The following TBL1X variants were observed in gnomAD, a reference collection of about 807,000 sequenced individuals.
TBL1X encodes the protein F-box-like/WD repeat-containing protein TBL1X.
In TBL1X, 10 loss-of-function variants were observed where a neutral mutation model predicts 50.7. That is an observed-to-expected ratio of 0.20 (90% CI 0.12 to 0.33). The LOEUF is 0.33. Ranked by LOEUF, TBL1X falls within the 10% of genes least tolerant of loss-of-function variation. The probability of loss-of-function intolerance (pLI) is 1.00; values close to 1 mark genes in which losing one functional copy is unlikely to be tolerated. For synonymous variants in TBL1X, 190 were observed against 214.7 expected (o/e 0.88, Z 1.01); for missense variants, 340 against 504.4 (o/e 0.67, Z 3.12).
intron 2 of TBL1X, among the ~76,000 whole-genome samples, chrX:9,575,415 C>G (rs1308607742): frequency 9.0e-6 from 1 of 111,619 alleles, no homozygotes; most frequent in Admixed American, 9.5e-5. Context: ...ACTTTCTGCC[C>G]CTATGCATTT....
chrX:9,467,091 CATACTT>C (rs1401868764), intron 1 of TBL1X, among the ~76,000 whole-genome samples: 1 of 112,627 alleles, frequency 8.9e-6, no homozygotes, highest in Non-Finnish European at 1.9e-5. Flanking sequence ...TTATTGTAGA[CATACTT>C]AGAAGTGAAT....
At chrX:9,608,409 A>G (rs1340957607) in intron 2 of TBL1X, among the ~76,000 whole-genome samples, 1 of 112,090 alleles carries the variant, frequency 8.9e-6, no homozygotes, top group African/African-American at 3.3e-5. Context: ...ATGTTAAAAT[A>G]TATCAGTGCA....
chrX:9,518,399 A>T (rs1265340764), intron 2 of TBL1X, among the ~76,000 whole-genome samples: 1 of 111,758 alleles, frequency 8.9e-6, no homozygotes, highest in Non-Finnish European at 1.9e-5. Context: ...TCCCTTCTTC[A>T]TTTCCACCCT....
At chrX:9,533,518 G>A in intron 2 of TBL1X, among the ~76,000 whole-genome samples, 1 of 111,783 alleles carries the variant, frequency 8.9e-6, no homozygotes, top group East Asian at 2.8e-4. Flanking sequence ...CCTTCTGAGT[G>A]AAAACCCTCC....
chrX:9,571,850 A>G (rs752386855), intron 2 of TBL1X, among the ~76,000 whole-genome samples: 3 of 112,299 alleles, frequency 2.7e-5, no homozygotes, highest in Non-Finnish European at 5.6e-5. Context: ...TCCCTTTTGT[A>G]ACTGGCTTAT....
chrX:9,564,997 G>A (rs1398766888), intron 2 of TBL1X, among the ~76,000 whole-genome samples: 2 of 110,714 alleles, frequency 1.8e-5, no homozygotes, highest in African/African-American at 6.6e-5. Flanking sequence ...TAGGCTGGGT[G>A]CGGTGGCTCA....
chrX:9,652,256 A>G (rs774508566), intron 3 of TBL1X, among the ~76,000 whole-genome samples: 3 of 111,747 alleles, frequency 2.7e-5, no homozygotes, highest in Non-Finnish European at 5.7e-5. Flanking sequence ...AACCTAACCT[A>G]GGGAGTGGTG....
intron 2 of TBL1X, among the ~76,000 whole-genome samples, chrX:9,596,542 C>T (rs934642250): frequency 9.0e-6 from 1 of 111,062 alleles, no homozygotes; most frequent in Admixed American, 9.6e-5. Context: ...TACAATGCAG[C>T]GGTCACCGAT....
At chrX:9,604,408 C>CCT (rs372886661) in intron 2 of TBL1X, among the ~76,000 whole-genome samples, 2 of 108,302 alleles carry the variant, frequency 1.8e-5, no homozygotes, top group Admixed American at 9.7e-5. Flanking sequence ...CTTTCCCCCC[C>CCT]TTTTTTTTTT....
chrX:9,594,126 T>C (rs753413977), intron 2 of TBL1X, among the ~76,000 whole-genome samples: 1 of 112,724 alleles, frequency 8.9e-6, no homozygotes, highest in African/African-American at 3.2e-5. Context: ...TCTTAGGATA[T>C]AGCTTTCAAG....
chrX:9,617,062 G>A (rs754740515), intron 2 of TBL1X, among the ~76,000 whole-genome samples: 8 of 111,835 alleles, frequency 7.2e-5, no homozygotes, highest in Non-Finnish European at 1.5e-4. Context: ...TTGGAGCCTT[G>A]GAAATCCAGT....
At chrX:9,613,329 G>C (rs927014451) in intron 2 of TBL1X, among the ~76,000 whole-genome samples, 1 of 111,047 alleles carries the variant, frequency 9.0e-6, no homozygotes, top group African/African-American at 3.3e-5. Flanking sequence ...GCACTCTCCC[G>C]TCCCACCAAT....
intron 5 of TBL1X, among the ~76,000 whole-genome samples, chrX:9,660,083 T>G (rs1417053093): frequency 8.9e-6 from 1 of 112,929 alleles, no homozygotes; most frequent in Non-Finnish European, 1.9e-5. Context: ...AGCCCAGGCA[T>G]CTGGGCAAGG....
chrX:9,651,061 C>A (rs2082832336), intron 3 of TBL1X, among the ~76,000 whole-genome samples: 1 of 81,719 alleles, frequency 1.2e-5, no homozygotes, highest in Admixed American at 1.7e-4. Context: ...AAGGGTCTCA[C>A]TTCCGTTGCC....
chrX:9,473,536 G>A (rs2081830597), intron 1 of TBL1X, among the ~76,000 whole-genome samples: 2 of 111,661 alleles, frequency 1.8e-5, no homozygotes, highest in Admixed American at 1.9e-4. Flanking sequence ...CATGATAGGC[G>A]GTGGGTTCAG....
At chrX:9,667,415 G>A (rs184191342) in intron 5 of TBL1X, among the ~76,000 whole-genome samples, 1 of 112,102 alleles carries the variant, frequency 8.9e-6, no homozygotes, top group African/African-American at 3.2e-5. Flanking sequence ...ACTGATACAG[G>A]GCTCAAATCT....
intron 3 of TBL1X, among the ~76,000 whole-genome samples, chrX:9,645,979 A>G (rs1275198798): frequency 8.9e-6 from 1 of 112,553 alleles, no homozygotes; most frequent in Non-Finnish European, 1.9e-5. Context: ...AAACAACGTA[A>G]CTTTAAATCC....
At chrX:9,468,209 C>T (rs1295454551) in intron 1 of TBL1X, among the ~76,000 whole-genome samples, 3 of 111,761 alleles carry the variant, frequency 2.7e-5, no homozygotes, top group Non-Finnish European at 5.6e-5. Context: ...TGAGATGGGG[C>T]ATGATAGGCG....
chrX:9,473,281 G>A (rs973670089), intron 1 of TBL1X, among the ~76,000 whole-genome samples: 1 of 112,328 alleles, frequency 8.9e-6, no homozygotes. Flanking sequence ...ATAAACTTGT[G>A]TCCTTGCCTT....
Sources: allele counts gnomAD v4.1 joint callset (sites outside exome capture counted in the v4.1 genomes callset), GRCh38; gene constraint gnomAD v4.1.1; transcripts MANE v1.5; gene names NCBI Gene and HGNC (gene_info 2026-07-23, HGNC 2026-07-21).